MSN: variants seen among roughly 807,000 people sequenced by gnomAD.
The protein encoded by MSN is moesin, also known as epididymis luminal protein 70.
MSN carries 2 observed loss-of-function variants against 48.0 expected under a neutral mutation model. That is an observed-to-expected ratio of 0.04 (90% CI 0.02 to 0.13). MSN has a LOEUF of 0.13. Among genes scored for constraint, MSN ranks in the 10% least tolerant of loss-of-function variants. MSN has a pLI of 1.00. For missense variants in MSN, 267 were observed against 470.1 expected (o/e 0.57, Z 3.99); for synonymous variants, 146 against 166.9 (o/e 0.87, Z 0.97).
intron 1 of MSN, among the ~76,000 whole-genome samples, chrX:65,669,324 G>C (rs950105676): frequency 9.0e-6 from 1 of 110,872 alleles, no homozygotes; most frequent in South Asian, 3.9e-4. Context: ...GTTGACTCCT[G>C]ACTCCTCTTA....
intron 1 of MSN, among the ~76,000 whole-genome samples, chrX:65,599,088 A>C (rs766890284): frequency 2.8e-5 from 3 of 108,522 alleles, no homozygotes; most frequent in Non-Finnish European, 5.7e-5. Context: ...GGAATTCGAG[A>C]CCAGCCTAGC....
rs771746813 is a variant in MSN at position 65,698,026 on chromosome X, A to G, written c.13-18792A>G. On this transcript the variant is annotated intron_variant, in intron 1 of 12. Transcript: ENST00000360270. ...TCCTCTATGGAGGGGAGGTATGGTA[A>G]TGACATTATCTTTCCTTAGGCAGCC... Among the ~76,000 whole-genome samples, 159 of 111,773 alleles carry G rather than the reference A, an allele frequency of 1.4e-3. 1 individual carries two copies. The highest frequency in any genetic ancestry group is 2.6e-3 in the Non-Finnish European group (136 of 53,115).
chrX:65,651,566 T>TATTATC (rs2070742601), intron 1 of MSN, among the ~76,000 whole-genome samples: 1 of 75,035 alleles, frequency 1.3e-5, no homozygotes, highest in Non-Finnish European at 2.0e-5. Context: ...TAATATTTAT[T>TATTATC]ATTATTATTA....
At chrX:65,624,327 C>T (rs1370576457) in intron 1 of MSN, among the ~76,000 whole-genome samples, 1 of 110,446 alleles carries the variant, frequency 9.1e-6, no homozygotes. Context: ...ATCCACCTGC[C>T]TTGGCCTCCC....
At chrX:65,651,231 G>A (rs1333778299) in intron 1 of MSN, among the ~76,000 whole-genome samples, 5 of 107,466 alleles carry the variant, frequency 4.7e-5, no homozygotes, top group Non-Finnish European at 1.9e-5. Context: ...GACCAGCCTT[G>A]CCAACATGGT....
chrX:65,623,580 G>A (rs892204869), intron 1 of MSN, among the ~76,000 whole-genome samples: 2 of 109,753 alleles, frequency 1.8e-5, no homozygotes, highest in Non-Finnish European at 3.8e-5. Context: ...GGAGGCCAAG[G>A]TGGGCGGATC....
chrX:65,709,427 G>A (rs1407936441), intron 1 of MSN, among the ~76,000 whole-genome samples: 1 of 112,233 alleles, frequency 8.9e-6, no homozygotes, highest in Non-Finnish European at 1.9e-5. Context: ...TGGGGAAGAA[G>A]CCATAGTGGA....
intron 1 of MSN, among the ~76,000 whole-genome samples, chrX:65,608,822 G>T (rs1186856641): frequency 9.0e-6 from 1 of 111,025 alleles, no homozygotes; most frequent in Non-Finnish European, 1.9e-5. Flanking sequence ...CACATACAGG[G>T]TTGTATAAAA....
intron 1 of MSN, among the ~76,000 whole-genome samples, chrX:65,593,009 C>A (rs148467854): frequency 0.017 from 1,905 of 111,811 alleles, 46 homozygotes; most frequent in African/African-American, 0.058. Context: ...TCACTGCACT[C>A]TAGCCTGGGA....
At position 65,668,001 on chromosome X, in the gene MSN, T is replaced by G. The variant is rs2072000; in HGVS notation, c.12+148T>G. ...GCCAAGGGTAGGGAGGGGACCGGAG[T>G]GGGATCCTGGTCTGGTGCGCCCTCA... is the stretch of plus-strand genomic sequence containing the variant. On this transcript the variant is annotated intron_variant, in intron 1 of 12. Coordinates refer to ENST00000360270, the MANE Select transcript of MSN (RefSeq NM_002444.3). 4.6e-5 allele frequency: 30 copies of G among 656,485 alleles called. No homozygotes were observed. In the East Asian group the frequency reaches 1.1e-3, roughly 24 times the overall value. The allele number at this position is 656,485 out of a possible 1,213,427, so 54.1% of individuals were successfully genotyped here.
At chrX:65,690,618 A>G (rs921977023) in intron 1 of MSN, among the ~76,000 whole-genome samples, 2 of 111,707 alleles carry the variant, frequency 1.8e-5, no homozygotes, top group Non-Finnish European at 3.8e-5. Context: ...GGAGCTGGTG[A>G]GCTCAAGGAC....
intron 1 of MSN, among the ~76,000 whole-genome samples, chrX:65,648,312 G>A (rs1415556557): frequency 8.9e-6 from 1 of 111,816 alleles, no homozygotes; most frequent in African/African-American, 3.3e-5. Flanking sequence ...CAGCACTTTG[G>A]GAGGCCGACG....
chrX:65,722,253 G>C (rs1181152252), intron 2 of MSN, among the ~76,000 whole-genome samples: 1 of 111,360 alleles, frequency 9.0e-6, no homozygotes, highest in East Asian at 2.8e-4. Flanking sequence ...CTTTCAGGTG[G>C]GTGGCTGATG....
intron 1 of MSN, among the ~76,000 whole-genome samples, chrX:65,608,858 TGTCCTGCTCACA>T (rs2070297938): frequency 9.0e-6 from 1 of 110,722 alleles, no homozygotes; most frequent in African/African-American, 3.3e-5. Context: ...CAATGAGAAT[TGTCCTGCTCACA>T]ATAGGTGCTC....
intron 1 of MSN, among the ~76,000 whole-genome samples, chrX:65,628,169 C>T (rs1231608278): frequency 8.9e-6 from 1 of 112,498 alleles, no homozygotes; most frequent in East Asian, 2.8e-4. Flanking sequence ...AGGACGGTGG[C>T]CCACTTTTCA....
At chrX:65,620,964 C>T (rs747140658) in intron 1 of MSN, among the ~76,000 whole-genome samples, 29 of 107,802 alleles carry the variant, frequency 2.7e-4, no homozygotes, top group African/African-American at 8.8e-4. Context: ...CTCCCTCTGT[C>T]GCCCAGGCTG....
At chrX:65,622,549 C>T (rs1424979897) in intron 1 of MSN, among the ~76,000 whole-genome samples, 1 of 89,920 alleles carries the variant, frequency 1.1e-5, no homozygotes, top group Non-Finnish European at 2.1e-5. Flanking sequence ...CGGAGTTTCA[C>T]TCTGTCACCC....
At chrX:65,735,517 G>A (rs2071667360) in intron 8 of MSN, 87 bp downstream of exon 8, 2 of 988,250 alleles carry the variant, frequency 2.0e-6, no homozygotes, top group Non-Finnish European at 2.8e-6. Flanking sequence ...AGGACATGAG[G>A]CCAACCTAGG....
At chrX:65,644,140 A>T (rs1278488524) in intron 1 of MSN, among the ~76,000 whole-genome samples, 1 of 112,339 alleles carries the variant, frequency 8.9e-6, no homozygotes, top group Admixed American at 9.5e-5. Context: ...ATAGCACTTC[A>T]GGATGGAATG....
Sources: allele counts gnomAD v4.1 joint callset (sites outside exome capture counted in the v4.1 genomes callset), GRCh38; gene constraint gnomAD v4.1.1; transcripts MANE v1.5; gene names NCBI Gene and HGNC (gene_info 2026-07-23, HGNC 2026-07-21).